AUTS2: variants seen among roughly 807,000 people sequenced by gnomAD.
AUTS2 encodes the protein activator of transcription and developmental regulator AUTS2.
A neutral mutation model predicts 112.4 loss-of-function variants in AUTS2; 17 were observed. The ratio of observed to expected loss-of-function variants is 0.15; its 90% CI spans 0.10 to 0.23. The LOEUF (loss-of-function observed/expected upper bound fraction) is 0.23, where lower values mean the gene tolerates loss of function less well. Among genes scored for constraint, AUTS2 ranks in the 10% least tolerant of loss-of-function variants. The pLI is 1.00. For missense variants in AUTS2, 1,510 were observed against 1,701.6 expected (o/e 0.89, Z 1.98); for synonymous variants, 751 against 702.7 (o/e 1.07, Z -1.09).
Position 70,764,990 on chromosome 7 carries a change from G to T in AUTS2, c.1453G>T (p.Gly485Trp). 6.2e-7 allele frequency: 1 copy of T among 1,613,676 alleles called. No individual in the cohort carries two copies. The change falls in exon 8 of 19, where the codon GGG becomes TGG. Residue 485 changes from glycine to tryptophan, a missense_variant. This residue lies in a region of AUTS2 where 187 missense variants were observed against 309.7 expected (regional missense o/e 0.60). Coordinates refer to ENST00000342771, the MANE Select transcript of AUTS2 (RefSeq NM_015570.4). ...GSLQVAGHPAGSTYSEQDILR... is the reference protein window; with the variant it reads ...GSLQVAGHPAWSTYSEQDILR... Reference sequence around the variant, plus strand: ...TCTGCAGGTGGCCGGACACCCGGCCGGGAGCACTTACTCAGGTAGGACGGA... The same window carrying T: ...TCTGCAGGTGGCCGGACACCCGGCCTGGAGCACTTACTCAGGTAGGACGGA...
chr7:70,003,038 T>C (rs981790470), intron 2 of AUTS2, among the ~76,000 whole-genome samples: 2 of 150,284 alleles, frequency 1.3e-5, no homozygotes, highest in African/African-American at 2.4e-5. Context: ...AAGTTGAAGT[T>C]TGAGCATCTT....
intron 1 of AUTS2, among the ~76,000 whole-genome samples, chr7:69,719,633 C>T (rs1041294878): frequency 1.3e-5 from 2 of 152,130 alleles, no homozygotes; most frequent in African/African-American, 2.4e-5. Context: ...GGATCTTTTG[C>T]CTTAGTGTAA....
At chr7:70,369,180 T>C (rs1421784023) in intron 4 of AUTS2, among the ~76,000 whole-genome samples, 1 of 152,112 alleles carries the variant, frequency 6.6e-6, no homozygotes, top group Non-Finnish European at 1.5e-5. Context: ...GGAGAGAATA[T>C]GAGAGAGAAA....
chr7:69,694,491 C>A (rs1225045939), intron 1 of AUTS2, among the ~76,000 whole-genome samples: 2 of 152,100 alleles, frequency 1.3e-5, no homozygotes, highest in African/African-American at 2.4e-5. Context: ...ATAAGAAAAG[C>A]TCTATGGCCA....
At chr7:70,116,337 TG>T (rs1190286619) in intron 2 of AUTS2, among the ~76,000 whole-genome samples, 2 of 152,162 alleles carry the variant, frequency 1.3e-5, no homozygotes, top group African/African-American at 4.8e-5. Flanking sequence ...TTTGGAGACT[TG>T]GGGAAAGCTG....
At chr7:70,092,287 T>G (rs890867892) in intron 2 of AUTS2, among the ~76,000 whole-genome samples, 4 of 152,172 alleles carry the variant, frequency 2.6e-5, no homozygotes, top group Non-Finnish European at 4.4e-5. Flanking sequence ...CTCCAACTTT[T>G]TCTGCACTTG....
intron 4 of AUTS2, among the ~76,000 whole-genome samples, chr7:70,357,642 A>G: frequency 6.6e-6 from 1 of 152,138 alleles, no homozygotes; most frequent in East Asian, 1.9e-4. Context: ...CTGTAAACGC[A>G]CGGCCTTTTT....
chr7:70,251,139 A>G (rs985736419), intron 4 of AUTS2, among the ~76,000 whole-genome samples: 1 of 151,772 alleles, frequency 6.6e-6, no homozygotes, highest in Non-Finnish European at 1.5e-5. Context: ...ATCTTGGCTC[A>G]CTGCAACCTC....
At chr7:70,009,917 C>T (rs999353161) in intron 2 of AUTS2, among the ~76,000 whole-genome samples, 1 of 152,108 alleles carries the variant, frequency 6.6e-6, no homozygotes, top group African/African-American at 2.4e-5. Flanking sequence ...CTACCTTATC[C>T]ACTTTTAAAA....
At chr7:69,663,999 C>G (rs1320992338) in intron 1 of AUTS2, among the ~76,000 whole-genome samples, 1 of 152,194 alleles carries the variant, frequency 6.6e-6, no homozygotes, top group Non-Finnish European at 1.5e-5. Context: ...TCTGTGTCTT[C>G]ATAGTACCCT....
chr7:69,980,024 C>T (rs745753115), intron 2 of AUTS2, among the ~76,000 whole-genome samples: 17 of 152,110 alleles, frequency 1.1e-4, no homozygotes, highest in Non-Finnish European at 7.4e-5. Context: ...TTAAGCTAAG[C>T]TTCTATCCCT....
At chr7:70,614,372 A>C (rs1585380656) in intron 5 of AUTS2, among the ~76,000 whole-genome samples, 1 of 152,284 alleles carries the variant, frequency 6.6e-6, no homozygotes, top group East Asian at 1.9e-4. Context: ...GTGGCAGCTC[A>C]TGTGACTTCA....
intron 6 of AUTS2, among the ~76,000 whole-genome samples, chr7:70,707,399 C>T (rs567579198): frequency 2.6e-5 from 4 of 152,198 alleles, no homozygotes; most frequent in African/African-American, 4.8e-5. Flanking sequence ...TGGTGGAGCT[C>T]GGTCCAGCTG....
chr7:70,379,421 G>A (rs566985476), intron 4 of AUTS2, among the ~76,000 whole-genome samples: 3 of 151,796 alleles, frequency 2.0e-5, no homozygotes, highest in African/African-American at 4.8e-5. Context: ...AGAATCACTT[G>A]AATCTGGGAA....
intron 2 of AUTS2, among the ~76,000 whole-genome samples, chr7:69,999,661 C>T (rs1799098771): frequency 2.0e-5 from 3 of 152,000 alleles, no homozygotes; most frequent in Admixed American, 2.0e-4. Context: ...CACTGAAAAA[C>T]TTCATCAGTG....
intron 4 of AUTS2, among the ~76,000 whole-genome samples, chr7:70,391,516 G>A (rs1041630314): frequency 6.6e-6 from 1 of 152,154 alleles, no homozygotes; most frequent in Admixed American, 6.5e-5. Flanking sequence ...CTCACAATAA[G>A]AGAGTATTTA....
chr7:69,981,158 T>C (rs1798279274), intron 2 of AUTS2, among the ~76,000 whole-genome samples: 2 of 152,212 alleles, frequency 1.3e-5, no homozygotes, highest in South Asian at 4.1e-4. Flanking sequence ...GGTTTACATG[T>C]GGTAAATAAA....
At chr7:70,675,904 A>C (rs1333756200) in intron 5 of AUTS2, among the ~76,000 whole-genome samples, 1 of 152,158 alleles carries the variant, frequency 6.6e-6, no homozygotes, top group Non-Finnish European at 1.5e-5. Context: ...TCTGCCATTG[A>C]GCTGAAGCAC....
chr7:69,609,890 C>T (rs539780899), intron 1 of AUTS2, among the ~76,000 whole-genome samples: 11 of 152,270 alleles, frequency 7.2e-5, no homozygotes, highest in African/African-American at 2.6e-4. Flanking sequence ...AATAACATAT[C>T]AAGATGGATG....
Sources: gnomAD v4.1 joint callset for allele counts (sites outside exome capture counted in the v4.1 genomes callset) on GRCh38, gnomAD v4.1.1 for gene constraint, gnomAD v4.1.1 regional missense constraint, MANE v1.5 for transcripts, NCBI Gene and HGNC (gene_info 2026-07-23, HGNC 2026-07-21) for gene names.